The following FBRSL1 variants were observed in gnomAD, a reference collection of about 807,000 sequenced individuals.
The protein encoded by FBRSL1 is fibrosin-1-like protein.
In FBRSL1, 51 loss-of-function variants were observed where a neutral mutation model predicts 89.6. The ratio of observed to expected loss-of-function variants is 0.57; its 90% CI spans 0.45 to 0.72. The LOEUF (loss-of-function observed/expected upper bound fraction) is 0.72. Among genes scored for constraint, FBRSL1 ranks in the 30% least tolerant of loss-of-function variants. The pLI, the probability that FBRSL1 is intolerant of heterozygous loss-of-function variation, is 0.00. For synonymous variants in FBRSL1, 779 were observed against 681.1 expected (o/e 1.14, Z -2.24); for missense variants, 1,618 against 1,451.8 (o/e 1.11, Z -1.86).
chr12:132,519,570 A>C (rs2035164612), intron 2 of FBRSL1, among the ~76,000 whole-genome samples: 1 of 152,222 alleles, frequency 6.6e-6, no homozygotes, highest in Non-Finnish European at 1.5e-5. Context: ...TGCTGCCTTC[A>C]GCTCAATGTG....
At chr12:132,543,114 G>C (rs967467232) in intron 4 of FBRSL1, among the ~76,000 whole-genome samples, 1 of 152,200 alleles carries the variant, frequency 6.6e-6, no homozygotes, top group East Asian at 1.9e-4. Flanking sequence ...GGAGGGGTTG[G>C]TGGCAGTGGT....
At chr12:132,506,608 T>C (rs961138025) in intron 1 of FBRSL1, among the ~76,000 whole-genome samples, 1 of 152,278 alleles carries the variant, frequency 6.6e-6, no homozygotes, top group African/African-American at 2.4e-5. Flanking sequence ...AAACAGCCGT[T>C]CTCTGGGCTG....
intron 4 of FBRSL1, among the ~76,000 whole-genome samples, chr12:132,536,207 TGTGTGAGTGCACGTGTAAAATG>T (rs1251596738): frequency 1.3e-5 from 2 of 149,838 alleles, no homozygotes; most frequent in African/African-American, 2.5e-5. Flanking sequence ...CATGATAGTG[TGTGTGAGTGCACGTGTAAAATG>T]GTGTGAGTGC....
intron 1 of FBRSL1, among the ~76,000 whole-genome samples, chr12:132,503,342 G>C (rs1190235036): frequency 6.6e-6 from 1 of 152,248 alleles, no homozygotes; most frequent in African/African-American, 2.4e-5. Context: ...GCACGACCTG[G>C]AGGCCTCTGG....
At chr12:132,569,844 G>C in intron 6 of FBRSL1, 82 bp from the exon 7 acceptor site, 1 of 1,095,500 alleles carries the variant, frequency 9.1e-7, no homozygotes, top group Non-Finnish European at 1.2e-6. Flanking sequence ...TGGGCACCGG[G>C]CACGTACCAG....
rs1474049633 is a variant in FBRSL1 at position 132,570,402 on chromosome 12, C to A, written c.1075C>A (p.His359Asn). ...VSLSPHGPGP[H>N]LSTSHLALRS... ...GCTGTCGCCACACGGGCCGGGCCCC[C>A]ACCTGTCTACCTCACACCTGGCGCT... is the stretch of plus-strand genomic sequence containing the variant. The change falls in exon 8 of 19, where the codon CAC becomes AAC. Residue 359 changes from histidine (H) to asparagine (N), a missense_variant. His to Asn is a moderately conservative substitution (Grantham distance 68). Transcript: ENST00000680143. The A allele has an allele frequency of 3.3e-6, 5 of 1,534,928 alleles. No homozygotes were observed. Among genetic ancestry groups the A allele is most frequent in the Admixed American group, 2.0e-5 (1 of 50,914 alleles).
intron 6 of FBRSL1, among the ~76,000 whole-genome samples, chr12:132,568,581 G>A (rs1262062664): frequency 1.3e-5 from 2 of 152,266 alleles, no homozygotes; most frequent in African/African-American, 4.8e-5. Flanking sequence ...AGGGCTGGAG[G>A]TGCTAGAAGG....
At chr12:132,493,525 C>T (rs895000255) in intron 1 of FBRSL1, among the ~76,000 whole-genome samples, 1 of 152,180 alleles carries the variant, frequency 6.6e-6, no homozygotes, top group South Asian at 2.1e-4. Context: ...TGGGGCAGAC[C>T]CCCACTCGCA....
At chr12:132,579,466 C>T (rs181352754) in intron 15 of FBRSL1, among the ~76,000 whole-genome samples, 14 of 152,304 alleles carry the variant, frequency 9.2e-5, no homozygotes, top group African/African-American at 1.7e-4. Flanking sequence ...AACAGAAGTG[C>T]GTATCTGTTT....
chr12:132,531,573 G>A (rs868132981), intron 4 of FBRSL1, among the ~76,000 whole-genome samples: 15 of 151,726 alleles, frequency 9.9e-5, no homozygotes, highest in South Asian at 4.2e-4. Context: ...GTGTGCACCC[G>A]CGTGTGTGTG....
At position 132,537,183 on chromosome 12, in the gene FBRSL1, C is replaced by T. The variant is rs183123160; in HGVS notation, c.615+9195C>T. Among the ~76,000 whole-genome samples the T allele has an allele frequency of 1.1e-4, 16 of 152,278 alleles. No homozygotes were observed. In the East Asian group the frequency reaches 3.1e-3, roughly 29 times the overall value. The stretch of plus-strand genomic sequence containing the variant: ...GCCGCCCTGTCGTGTGGTGGGTGCC[C>T]TCTGCTGTGGGTGTGAAGCCCACGG... On this transcript the variant is annotated intron_variant, in intron 4 of 18. Coordinates refer to ENST00000680143, the MANE Select transcript of FBRSL1 (RefSeq NM_001367871.1).
intron 2 of FBRSL1, chr12:132,510,137 C>T: frequency 8.2e-7 from 1 of 1,224,466 alleles, no homozygotes; most frequent in Non-Finnish European, 1.0e-6. Flanking sequence ...AGCGGCCGCT[C>T]ATGGGCCCAG....
intron 3 of FBRSL1, among the ~76,000 whole-genome samples, chr12:132,526,121 A>T (rs1003433252): frequency 1.3e-5 from 2 of 152,268 alleles, no homozygotes; most frequent in Non-Finnish European, 2.9e-5. Flanking sequence ...TTAAATGAAG[A>T]AATGGTGAGT....
In FBRSL1 at chr12:132,576,917, T is replaced by C; in HGVS notation, c.1820T>C (p.Leu607Pro). 2 of 1,550,196 alleles carry C rather than the reference T, an allele frequency of 1.3e-6. No homozygotes were observed. Among genetic ancestry groups the C allele is most frequent in the Non-Finnish European group, 1.7e-6 (2 of 1,146,660 alleles). Residue 607 changes from leucine to proline, a missense_variant, in exon 15 of 19, where the codon CTC becomes CCC. Transcript: ENST00000680143. The part of the protein sequence containing the change: ...FHYPQDLARP[L>P]FPSTGAAHPA... ...TACCCACAGGACCTGGCCCGGCCCC[T>C]CTTCCCCAGCACAGGTGAGACTGGA...
chr12:132,569,906 C>T lies in FBRSL1; in HGVS notation c.692-20C>T. 7.3e-7 allele frequency: 1 copy of T among 1,376,504 alleles called. No individual in the cohort carries two copies. Among genetic ancestry groups the T allele is most frequent in the Non-Finnish European group, 9.3e-7 (1 of 1,069,554 alleles). The allele number at this position is 1,376,504 out of a possible 1,614,324, so 85.3% of individuals were successfully genotyped here. On this transcript the variant is annotated intron_variant, in intron 6 of 18. Transcript: ENST00000680143. ...GGACGAGGCCCTGCTGGTCTGAACG[C>T]AGCCACCCTCTCTCTGCAGGCCCAG... is the stretch of plus-strand genomic sequence containing the variant.
At chr12:132,542,678 C>T (rs1593417709) in intron 4 of FBRSL1, among the ~76,000 whole-genome samples, 2 of 152,228 alleles carry the variant, frequency 1.3e-5, no homozygotes, top group African/African-American at 4.8e-5. Flanking sequence ...AGACCCTCCG[C>T]AGGACAGCCC....
chr12:132,582,016 G>T, intron 17 of FBRSL1, 46 bp from the exon 18 acceptor site: 1 of 1,470,194 alleles, frequency 6.8e-7, no homozygotes, highest in Non-Finnish European at 9.2e-7. Flanking sequence ...GGAGTGGCTG[G>T]GGAGCAGACA....
intron 14 of FBRSL1, among the ~76,000 whole-genome samples, chr12:132,575,779 G>A (rs1225431000): frequency 6.6e-6 from 1 of 152,280 alleles, no homozygotes; most frequent in Non-Finnish European, 1.5e-5. Context: ...TAGTGCCAGA[G>A]TACCCCAGCA....
rs2030701671 is a variant in FBRSL1 at position 132,490,725 on chromosome 12, C to T, written c.155C>T (p.Ala52Val). Reference sequence around the variant, plus strand: ...AAGGAGAACGCGGGCCTCCGCGGCGCGCCCCCCCGAGGCGCCGCCCCCGCG... The same window carrying T: ...AAGGAGAACGCGGGCCTCCGCGGCGTGCCCCCCCGAGGCGCCGCCCCCGCG... ...PGKENAGLRG[A>V]PPRGAAPAPR... The change falls in exon 1 of 19, where the codon GCG becomes GTG. Residue 52 changes from alanine (A) to valine (V), a missense_variant. Ala to Val is a moderately conservative substitution (Grantham distance 64, BLOSUM62 0). Coordinates refer to ENST00000680143, the MANE Select transcript of FBRSL1 (RefSeq NM_001367871.1). The T allele has an allele frequency of 1.0e-6, 1 of 985,386 alleles. No individual in the cohort carries two copies. Among genetic ancestry groups the T allele is most frequent in the Non-Finnish European group, 1.2e-6 (1 of 831,206 alleles). The allele number at this position is 985,386 out of a possible 1,614,324, so 61.0% of individuals were successfully genotyped here. A position where few individuals can be genotyped will look rare whatever the true frequency, so the allele number is the denominator to read the frequency against.
Sources: gnomAD v4.1 joint callset for allele counts (sites outside exome capture counted in the v4.1 genomes callset) on GRCh38, gnomAD v4.1.1 for gene constraint, MANE v1.5 for transcripts, NCBI Gene and HGNC (gene_info 2026-07-23, HGNC 2026-07-21) for gene names.